CSMD1: variants seen among roughly 807,000 people sequenced by gnomAD.
The protein encoded by CSMD1 is CUB and Sushi multiple domains 1.
Under a neutral mutation model 417.5 loss-of-function variants are expected in CSMD1, and 213 were observed. That is an observed-to-expected ratio of 0.51 (90% CI 0.46 to 0.57). The LOEUF (loss-of-function observed/expected upper bound fraction) is 0.57, where lower values mean the gene tolerates loss of function less well. Among genes scored for constraint, CSMD1 ranks in the 20% least tolerant of loss-of-function variants. CSMD1 has a pLI of 0.00. For missense variants in CSMD1, 6,923 were observed against 4,529.7 expected (o/e 1.53, Z -15.17); for synonymous variants, 2,862 against 1,736.8 (o/e 1.65, Z -16.11).
chr8:3,856,963 G>A (rs1335624425), intron 5 of CSMD1, among the ~76,000 whole-genome samples: 1 of 151,586 alleles, frequency 6.6e-6, no homozygotes, highest in African/African-American at 2.4e-5. Flanking sequence ...AAAGAATCAA[G>A]TAGAATTTGG....
intron 10 of CSMD1, among the ~76,000 whole-genome samples, chr8:3,565,484 T>A (rs1319780554): frequency 6.6e-6 from 1 of 152,160 alleles, no homozygotes; most frequent in Non-Finnish European, 1.5e-5. Flanking sequence ...CTGAACCATA[T>A]CTATTCCAAT....
intron 5 of CSMD1, among the ~76,000 whole-genome samples, chr8:3,967,223 A>T (rs149306772): frequency 4.6e-5 from 7 of 152,106 alleles, no homozygotes; most frequent in African/African-American, 1.7e-4. Context: ...TCCCCACTTC[A>T]GCTATTTTCC....
chr8:3,884,067 A>G (rs973161299), intron 5 of CSMD1, among the ~76,000 whole-genome samples: 1 of 152,214 alleles, frequency 6.6e-6, no homozygotes, highest in African/African-American at 2.4e-5. Context: ...AGTGTTTCAA[A>G]ATCATTATTT....
intron 2 of CSMD1, among the ~76,000 whole-genome samples, chr8:4,453,353 C>T (rs532244749): frequency 1.3e-5 from 2 of 152,176 alleles, no homozygotes; most frequent in African/African-American, 2.4e-5. Context: ...CTGCCCCAGT[C>T]TGCTGGGATT....
intron 3 of CSMD1, among the ~76,000 whole-genome samples, chr8:4,308,952 A>G (rs542324324): frequency 6.6e-6 from 1 of 152,170 alleles, no homozygotes; most frequent in Non-Finnish European, 1.5e-5. Flanking sequence ...ACTCTCAAAT[A>G]CTCCCTGTAA....
chr8:3,827,812 C>G (rs539415889), intron 5 of CSMD1, among the ~76,000 whole-genome samples: 3 of 152,258 alleles, frequency 2.0e-5, no homozygotes, highest in African/African-American at 7.2e-5. Flanking sequence ...ACAAATATGA[C>G]ACTGTAAAAG....
At chr8:3,766,569 C>T (rs912998320) in intron 5 of CSMD1, among the ~76,000 whole-genome samples, 1 of 151,984 alleles carries the variant, frequency 6.6e-6, no homozygotes, top group Non-Finnish European at 1.5e-5. Flanking sequence ...ATATCCATAT[C>T]ATATTTTGAC....
chr8:4,456,700 A>C (rs1339176751), intron 2 of CSMD1, among the ~76,000 whole-genome samples: 1 of 152,146 alleles, frequency 6.6e-6, no homozygotes, highest in Non-Finnish European at 1.5e-5. Context: ...CTGGTGGAAG[A>C]AACAGGCATG....
chr8:3,151,425 G>T lies in CSMD1; in HGVS notation c.6003C>A (p.Thr2001=), dbSNP rs377658660. Residue 2001 remains threonine, a synonymous_variant, in exon 40 of 70, where the codon ACC becomes ACA. Coordinates refer to ENST00000635120, the MANE Select transcript of CSMD1 (RefSeq NM_033225.6). The part of the protein sequence containing the change: ...PGSYPNNLDC[T]WRISLPIGYG... ...AGCCGATGGGTAATGAGATCCTCCA[G>T]GTGCAGTCTAAGTTGTTGGGGTAAG... 186 of 1,613,168 alleles carry T rather than the reference G, an allele frequency of 1.2e-4. No homozygotes were observed. Among genetic ancestry groups the T allele is most frequent in the Non-Finnish European group, 1.5e-4 (180 of 1,179,370 alleles).
chr8:3,397,608 C>A (rs939605506), intron 16 of CSMD1, among the ~76,000 whole-genome samples: 1 of 152,198 alleles, frequency 6.6e-6, no homozygotes, highest in Non-Finnish European at 1.5e-5. Context: ...TATTCTAAAT[C>A]TTTTTCTTAA....
intron 6 of CSMD1, among the ~76,000 whole-genome samples, chr8:3,751,125 G>T (rs910450517): frequency 2.6e-5 from 4 of 152,124 alleles, no homozygotes; most frequent in Non-Finnish European, 5.9e-5. Flanking sequence ...TGAAAAAAAG[G>T]TAACTTCCTT....
intron 2 of CSMD1, among the ~76,000 whole-genome samples, chr8:4,632,351 A>G (rs2011137): frequency 2.0e-5 from 3 of 151,166 alleles, no homozygotes; most frequent in African/African-American, 7.3e-5. Context: ...CGTCTCTACT[A>G]AAAATAAAAA....
chr8:4,408,063 C>T (rs1369268235), intron 3 of CSMD1, among the ~76,000 whole-genome samples: 1 of 152,104 alleles, frequency 6.6e-6, no homozygotes, highest in Non-Finnish European at 1.5e-5. Context: ...CTTTCCATTC[C>T]ATTATTCTAA....
chr8:3,722,379 G>C (rs1002871494), intron 6 of CSMD1, among the ~76,000 whole-genome samples: 1 of 152,118 alleles, frequency 6.6e-6, no homozygotes, highest in East Asian at 1.9e-4. Context: ...GGTCACTTTA[G>C]GAATTTGAAA....
At chr8:4,926,442 G>A (rs752345589) in intron 1 of CSMD1, among the ~76,000 whole-genome samples, 15 of 152,028 alleles carry the variant, frequency 9.9e-5, no homozygotes, top group Non-Finnish European at 1.9e-4. Context: ...TAATACTGGC[G>A]CTTGCATCTA....
chr8:3,376,830 G>A (rs35968440), intron 18 of CSMD1, among the ~76,000 whole-genome samples: 17 of 151,768 alleles, frequency 1.1e-4, no homozygotes, highest in African/African-American at 3.6e-4. Flanking sequence ...AATGTTTAAA[G>A]GTTTAAATAT....
intron 5 of CSMD1, among the ~76,000 whole-genome samples, chr8:3,755,448 T>C (rs1422644347): frequency 6.6e-6 from 1 of 152,216 alleles, no homozygotes; most frequent in Non-Finnish European, 1.5e-5. Flanking sequence ...ATTTTCAAAA[T>C]GATGCTTATT....
intron 23 of CSMD1, among the ~76,000 whole-genome samples, chr8:3,342,160 C>T (rs1387808104): frequency 1.3e-5 from 2 of 152,140 alleles, no homozygotes; most frequent in Non-Finnish European, 2.9e-5. Flanking sequence ...AACTGGTTTC[C>T]TCATGATTTC....
chr8:4,414,440 A>G (rs1405403558), intron 3 of CSMD1, among the ~76,000 whole-genome samples: 5 of 152,196 alleles, frequency 3.3e-5, no homozygotes, highest in Admixed American at 2.6e-4. Context: ...ATGGATTAAT[A>G]AATACTGATC....
Sources: gnomAD v4.1 joint callset for allele counts (sites outside exome capture counted in the v4.1 genomes callset) on GRCh38, gnomAD v4.1.1 for gene constraint, MANE v1.5 for transcripts, NCBI Gene and HGNC (gene_info 2026-07-23, HGNC 2026-07-21) for gene names.